Variants in PCDHA7 observed in about 807,000 individuals in gnomAD.
The protein encoded by PCDHA7 is protocadherin alpha-7.
In PCDHA7, 37 loss-of-function variants were observed where a neutral mutation model predicts 57.2. The ratio of observed to expected loss-of-function variants is 0.65; its 90% CI spans 0.50 to 0.85. The LOEUF is 0.85. Ranked by LOEUF, PCDHA7 falls within the 40% of genes least tolerant of loss-of-function variation. The pLI, the probability that PCDHA7 is intolerant of heterozygous loss-of-function variation, is 0.00. For synonymous variants in PCDHA7, 553 were observed against 558.8 expected, an observed-to-expected ratio of 0.99 and a Z score of 0.15; for missense variants, 1,188 against 1,241.8, an observed-to-expected ratio of 0.96 and a Z score of 0.65.
At chr5:140,868,806 G>T (rs374832846) in intron 1 of PCDHA7, 1 of 357,072 alleles carries the variant, frequency 2.8e-6, no homozygotes, top group South Asian at 6.9e-5. Flanking sequence ...AAATAAGCAC[G>T]TTGGAAATAT....
In PCDHA7 at chr5:140,982,326, G is replaced by T. The variant is rs1369721700; in HGVS notation, c.2415-149G>T. 1.6e-5 allele frequency: 22 copies of T among 1,411,958 alleles called. No homozygotes were observed. In the Admixed American group the frequency reaches 3.0e-4, roughly 20 times the overall value. The allele number at this position is 1,411,958 out of a possible 1,614,324, so 87.5% of individuals were successfully genotyped here. On this transcript the variant is annotated intron_variant, in intron 2 of 3. Transcript: ENST00000525929. ...CTTCTGCAGTTTATGCAGGGTGACTGCTCAGCAGTAATTGCTTCAGTTCAA... is the reference window on the plus strand; with the variant it reads ...CTTCTGCAGTTTATGCAGGGTGACTTCTCAGCAGTAATTGCTTCAGTTCAA...
chr5:140,864,844 C>T (rs894176807), intron 1 of PCDHA7: 3 of 152,100 alleles, frequency 2.0e-5, no homozygotes, highest in Admixed American at 2.0e-4. Context: ...AGAGAGTCTT[C>T]CCATACATGA....
In PCDHA7 at chr5:140,852,727, G is replaced by T. The variant is rs1395858951; in HGVS notation, c.2355+15989G>T. The T allele has an allele frequency of 2.0e-6, 2 of 983,412 alleles. 1 individual carries two copies. The highest frequency in any genetic ancestry group is 2.5e-6 in the Non-Finnish European group (2 of 816,078). 60.9% of individuals were successfully genotyped at this position (983,412 alleles called of 1,614,324 possible). A position where few individuals can be genotyped will look rare whatever the true frequency, so the allele number is the denominator to read the frequency against. On this transcript the variant is annotated intron_variant, in intron 1 of 3. Transcript: ENST00000525929. ...ATCTTTGTCTTTGCACGTTTTTCAA[G>T]TTTCATGTGCCATTTAAACTTGGAC...
intron 1 of PCDHA7, chr5:140,842,406 A>G: frequency 6.2e-7 from 1 of 1,612,200 alleles, no homozygotes; most frequent in Non-Finnish European, 8.5e-7. Context: ...GTACGTGAAG[A>G]CGCTCAATTT....
At chr5:140,968,907 C>G in intron 1 of PCDHA7, 1 of 1,614,180 alleles carries the variant, frequency 6.2e-7, no homozygotes. Context: ...GCATTAAGCA[C>G]AGTGTCTTTT....
At position 141,010,124 on chromosome 5, in the gene PCDHA7, G is replaced by C. The variant is rs1161168842; in HGVS notation, c.*187G>C. 1.2e-6 allele frequency: 2 copies of C among 1,605,172 alleles called. No homozygotes were observed. The highest frequency in any genetic ancestry group is 1.1e-5 in the South Asian group (1 of 90,170). On this transcript the variant is annotated 3_prime_UTR_variant, in exon 4 of 4. Coordinates refer to ENST00000525929, the MANE Select transcript of PCDHA7 (RefSeq NM_018910.3). ...GGTTTTGTCGTAAAAGCTTTACTAA[G>C]TCTGGTGTTAACTCTTTCTCTCCAC...
At chr5:140,853,031 A>G (rs2150527488) in intron 1 of PCDHA7, 7 of 259,886 alleles carry the variant, frequency 2.7e-5, no homozygotes, top group Non-Finnish European at 4.4e-5. Flanking sequence ...GGCGCCTGCC[A>G]CCATGCCCGC....
chr5:140,993,783 T>C (rs1402072576), intron 3 of PCDHA7, among the ~76,000 whole-genome samples: 2 of 152,230 alleles, frequency 1.3e-5, no homozygotes, highest in East Asian at 3.9e-4. Flanking sequence ...TTTTGTACAG[T>C]AACATGCTGT....
rs1355221277 is a variant in PCDHA7 at position 140,835,333 on chromosome 5, A to C, written c.950A>C (p.Lys317Thr). 6 of 1,613,618 alleles carry C rather than the reference A, an allele frequency of 3.7e-6. No individual in the cohort carries two copies. Among genetic ancestry groups the C allele is most frequent in the Non-Finnish European group, 5.1e-6 (6 of 1,179,810 alleles). ...GATTTTGAAGAAAGTAGAGCACACA[A>C]GATCCCAGTCGAGGCTGTCGATAAA... ...HMDFEESRAH[K>T]IPVEAVDKGF... The change falls in exon 1 of 4, where the codon AAG becomes ACG. Residue 317 changes from lysine (K) to threonine (T), a missense_variant. Around this residue, in one of 3 missense-constraint regions of PCDHA7, gnomAD observed 102 missense variants for 267.4 expected, o/e 0.38. Transcript: ENST00000525929.
Position 140,852,971 on chromosome 5 carries a change from C to T in PCDHA7, c.2355+16233C>T, listed in dbSNP as rs563659563. Reference sequence around the variant, plus strand: ...TTGGCTCACTCCAAGCTCCCCCTCCCGTGTTCACGCCATTCTCCTGCCTCA... The same window carrying T: ...TTGGCTCACTCCAAGCTCCCCCTCCTGTGTTCACGCCATTCTCCTGCCTCA... On this transcript the variant is annotated intron_variant, in intron 1 of 3. Coordinates refer to ENST00000525929, the MANE Select transcript of PCDHA7 (RefSeq NM_018910.3). 23 of 376,480 alleles carry T rather than the reference C, an allele frequency of 6.1e-5. 1 individual carries two copies. The highest frequency in any genetic ancestry group is 5.5e-4 in the South Asian group (5 of 9,156). 23.3% of individuals were successfully genotyped at this position (376,480 alleles called of 1,614,324 possible).
intron 1 of PCDHA7, among the ~76,000 whole-genome samples, chr5:140,957,708 T>TA (rs1330263414): frequency 6.6e-6 from 1 of 152,124 alleles, no homozygotes; most frequent in Non-Finnish European, 1.5e-5. Context: ...ATGTAGTTTT[T>TA]ATTAAGAAAG....
At position 140,849,783 on chromosome 5, in the gene PCDHA7, G is replaced by C. The variant is rs2150449806; in HGVS notation, c.2355+13045G>C. ...CGAGCTGGTGGTTACCGCGCGGGAC[G>C]GGGGCTCGCCTTCACTGTGGGCCAC... On this transcript the variant is annotated intron_variant, in intron 1 of 3. Transcript: ENST00000525929. 832,668 of 1,597,604 alleles carry C rather than the reference G, an allele frequency of 0.52. 253,297 individuals carry two copies. The highest frequency in any genetic ancestry group is 0.62 in the South Asian group (55,951 of 90,512).
chr5:140,860,827 T>G (rs1554153817), intron 1 of PCDHA7: 6 of 152,210 alleles, frequency 3.9e-5, no homozygotes, highest in Admixed American at 2.6e-4. Context: ...AAGCTCCGCC[T>G]CCCAGGTTCA....
Position 140,836,570 on chromosome 5 carries a change from G to A in PCDHA7, c.2187G>A (p.Glu729=), listed in dbSNP as rs1294838200. 10 of 1,613,682 alleles carry A rather than the reference G, an allele frequency of 6.2e-6. No individual in the cohort carries two copies. Among genetic ancestry groups the A allele is most frequent in the Non-Finnish European group, 7.6e-6 (9 of 1,179,824 alleles). The change falls in exon 1 of 4, where the codon GAG becomes GAA. Residue 729 remains glutamate, a synonymous_variant. Coordinates refer to ENST00000525929, the MANE Select transcript of PCDHA7 (RefSeq NM_018910.3). Reference sequence around the variant, plus strand: ...TGCGGTGCTCAGCGCCGTCCTCTGAGGGCGCATGTAGTTTGGTAAAGCCCA... The same window carrying A: ...TGCGGTGCTCAGCGCCGTCCTCTGAAGGCGCATGTAGTTTGGTAAAGCCCA... ...TALRCSAPSS[E]GACSLVKPTL...
chr5:140,966,183 C>T (rs1399845859), intron 1 of PCDHA7: 1 of 195,556 alleles, frequency 5.1e-6, no homozygotes, highest in African/African-American at 2.3e-5. Flanking sequence ...AGCTGATAGC[C>T]AGACTTCTAG....
chr5:140,908,050 G>A (rs1554193217), intron 1 of PCDHA7, among the ~76,000 whole-genome samples: 1 of 152,120 alleles, frequency 6.6e-6, no homozygotes, highest in African/African-American at 2.4e-5. Context: ...TGCACATCCG[G>A]CCATTTCTCC....
rs1775694591 is a variant in PCDHA7 at position 140,838,348 on chromosome 5, T to C, written c.2355+1610T>C. ...CATGTTGCCCCGGCTGGTCTCGAAA[T>C]CTGGGACTCAAGTGATCTGACTGCC... On this transcript the variant is annotated intron_variant, in intron 1 of 3. Coordinates refer to ENST00000525929, the MANE Select transcript of PCDHA7 (RefSeq NM_018910.3). Among the ~76,000 whole-genome samples the C allele has an allele frequency of 1.3e-5, 2 of 150,108 alleles. 1 individual carries two copies. The highest frequency in any genetic ancestry group is 4.9e-5 in the African/African-American group (2 of 40,592).
intron 3 of PCDHA7, among the ~76,000 whole-genome samples, chr5:141,007,087 A>G (rs1554261040): frequency 6.6e-6 from 1 of 152,112 alleles, no homozygotes; most frequent in African/African-American, 2.4e-5. Context: ...AATAGAGAAG[A>G]GAGTCTAGGG....
rs575152424 is a variant in PCDHA7 at position 140,895,872 on chromosome 5, C to T, written c.2355+59134C>T. Among the ~76,000 whole-genome samples, 3 of 152,222 alleles carry T rather than the reference C, an allele frequency of 2.0e-5. No homozygotes were observed. The South Asian group carries it at 6.2e-4, about 32-fold the overall frequency. ...TGTACCCCAGGCTGGAGTGCAATGG[C>T]GCGATCTCGGCTCACTGCAACCTCC... On this transcript the variant is annotated intron_variant, in intron 1 of 3. Transcript: ENST00000525929.
Sources: allele counts gnomAD v4.1 joint callset (sites outside exome capture counted in the v4.1 genomes callset), GRCh38; gene constraint gnomAD v4.1.1; regional missense constraint gnomAD v4.1.1; transcripts MANE v1.5; gene names NCBI Gene and HGNC (gene_info 2026-07-23, HGNC 2026-07-21).